COL6A3: variants seen among roughly 807,000 people sequenced by gnomAD.
COL6A3 encodes the protein collagen type VI alpha 3 chain.
A neutral mutation model predicts 274.1 loss-of-function variants in COL6A3; 137 were observed. The ratio of observed to expected loss-of-function variants is 0.50; its 90% confidence interval spans 0.44 to 0.58. COL6A3 has a LOEUF of 0.58. COL6A3 is among the 20% of genes least tolerant of loss of function. The probability of loss-of-function intolerance (pLI) is 0.00; values close to 1 mark genes in which losing one functional copy is unlikely to be tolerated. For synonymous variants in COL6A3, 1,650 were observed against 1,650.6 expected (o/e 1.00, Z 0.01); for missense variants, 3,950 against 4,124.9 (o/e 0.96, Z 1.16).
rs759615424 is a variant in COL6A3 at position 237,381,460 on chromosome 2, T to C, written c.1352A>G (p.Asp451Gly). The C allele has an allele frequency of 1.1e-5, 18 of 1,607,728 alleles. No homozygotes were observed. The South Asian group carries it at 2.0e-4, about 18-fold the overall frequency. The part of the protein sequence containing the change: ...VNKRDIVFLV[D>G]GSSALGLANF... The stretch of plus-strand genomic sequence containing the variant: ...GGCCAGTCCCAGTGCAGATGAGCCA[T>C]CCACCAGGAAGACTATGTCTCTCTT... The change falls in exon 5 of 44, where the codon GAT (aspartate) becomes GGT (glycine). Residue 451 changes from aspartate (D) to glycine (G), a missense_variant. Asp to Gly is a moderately conservative substitution (Grantham distance 94, BLOSUM62 -1). This residue lies in a region of COL6A3 where 1,934 missense variants were observed against 1,984.3 expected (regional missense o/e 0.97). Coordinates refer to ENST00000295550, the MANE Select transcript of COL6A3 (RefSeq NM_004369.4).
At chr2:237,373,969 T>C (rs2077763095) in intron 8 of COL6A3, among the ~76,000 whole-genome samples, 1 of 152,224 alleles carries the variant, frequency 6.6e-6, no homozygotes, top group Admixed American at 6.5e-5. Context: ...GATACCAATA[T>C]TTCAGAGTCT....
rs1333154783 is a variant in COL6A3 at position 237,368,532 on chromosome 2, A to G, written c.4900+31T>C. On this transcript the variant is annotated intron_variant, in intron 10 of 43. Coordinates refer to ENST00000295550, the MANE Select transcript of COL6A3 (RefSeq NM_004369.4). The surrounding 1 kb of genome is among the most constrained non-coding windows in gnomAD (Gnocchi z 4.4). ...ACTAAAAAAAAAATGTTGATGTCAC[A>G]CTCTGTAGTCATGGGTCACACGGTG... 6.2e-7 allele frequency: 1 copy of G among 1,612,268 alleles called. No homozygotes were observed. Among genetic ancestry groups the G allele is most frequent in the Non-Finnish European group, 8.5e-7 (1 of 1,178,684 alleles).
chr2:237,399,019 A>G (rs1193476623), intron 1 of COL6A3, among the ~76,000 whole-genome samples: 1 of 152,230 alleles, frequency 6.6e-6, no homozygotes, highest in Non-Finnish European at 1.5e-5. Flanking sequence ...CTTACAGGAA[A>G]AAATGGGGGT....
chr2:237,366,363 A>T (rs1266737349), intron 11 of COL6A3, among the ~76,000 whole-genome samples: 1 of 152,252 alleles, frequency 6.6e-6, no homozygotes, highest in African/African-American at 2.4e-5. Context: ...TTGAAAATCA[A>T]ATATTCTGAT....
At position 237,367,036 on chromosome 2, in the gene COL6A3, G is replaced by A; in HGVS notation, c.5151C>T (p.Ala1717=). ...GGTGCTCAAGGCCCACCTTAGTGTT[G>A]GCGTGTCTTCCCCCTTTGTAGACCA... is the stretch of plus-strand genomic sequence containing the variant. The part of the protein sequence containing the change: ...NKVVYKGGRH[A]NTKVGLEHLR... Residue 1717 remains alanine (A), a synonymous_variant, in exon 11 of 44, where the codon GCC becomes GCT. Coordinates refer to ENST00000295550, the MANE Select transcript of COL6A3 (RefSeq NM_004369.4). The A allele has an allele frequency of 6.2e-7, 1 of 1,614,210 alleles. No homozygotes were observed. Among genetic ancestry groups the A allele is most frequent in the Non-Finnish European group, 8.5e-7 (1 of 1,180,040 alleles).
At chr2:237,408,341 C>T (rs1036506336) in intron 1 of COL6A3, among the ~76,000 whole-genome samples, 1 of 152,200 alleles carries the variant, frequency 6.6e-6, no homozygotes, top group Non-Finnish European at 1.5e-5. Flanking sequence ...CATAGTCCTG[C>T]GACTGCTCTC....
chr2:237,334,978 G>T, intron 40 of COL6A3, 89 bp from the exon 41 acceptor site: 1 of 1,487,804 alleles, frequency 6.7e-7, no homozygotes, highest in Non-Finnish European at 9.4e-7. Context: ...AAAGGGATGT[G>T]TTAACAGACA....
chr2:237,405,646 G>A (rs1318672048), intron 1 of COL6A3, among the ~76,000 whole-genome samples: 1 of 152,086 alleles, frequency 6.6e-6, no homozygotes, highest in Non-Finnish European at 1.5e-5. Context: ...ACCCCAGCAA[G>A]GCAAAGTGAT....
rs1223202953 is a variant in COL6A3 at position 237,369,172 on chromosome 2, C to G, written c.4291G>C (p.Glu1431Gln). The change falls in exon 10 of 44, where the codon GAG (glutamate) becomes CAG (glutamine). Residue 1431 changes from glutamate (E) to glutamine (Q), a missense_variant. Around this residue, in one of 5 missense-constraint regions of COL6A3, gnomAD observed 1,934 missense variants for 1,984.3 expected, o/e 0.97. Coordinates refer to ENST00000295550, the MANE Select transcript of COL6A3 (RefSeq NM_004369.4). ...AAGACAATGTCTGCAGCATCACTCTCAACTGCTGCAGATCAAAGAAGAAAA... is the reference window on the plus strand; with the variant it reads ...AAGACAATGTCTGCAGCATCACTCTGAACTGCTGCAGATCAAAGAAGAAAA... The part of the protein sequence containing the change: ...ASTRYPPPAV[E>Q]SDAADIVFLI... The G allele has an allele frequency of 6.2e-7, 1 of 1,610,524 alleles. No homozygotes were observed. The highest frequency in any genetic ancestry group is 8.5e-7 in the Non-Finnish European group (1 of 1,180,006).
chr2:237,332,788 A>T (rs1159551830), intron 42 of COL6A3, among the ~76,000 whole-genome samples: 1 of 152,226 alleles, frequency 6.6e-6, no homozygotes, highest in Non-Finnish European at 1.5e-5. Context: ...ACCGATGAAC[A>T]AGCCAAGTCC....
chr2:237,367,671 T>C (rs1209953516), intron 10 of COL6A3, among the ~76,000 whole-genome samples: 2 of 152,176 alleles, frequency 1.3e-5, no homozygotes, highest in Non-Finnish European at 2.9e-5. Flanking sequence ...GAAGTTTCCT[T>C]TGTGGTCAAG....
At position 237,357,849 on chromosome 2, in the gene COL6A3, G is replaced by A. The variant is rs752728091; in HGVS notation, c.6505C>T (p.Pro2169Ser). Residue 2169 changes from proline to serine, a missense_variant, in exon 22 of 44, where the codon CCC becomes TCC. This residue lies in a region of COL6A3 where 1,284 missense variants were observed against 1,349.7 expected (regional missense o/e 0.95). Coordinates refer to ENST00000295550, the MANE Select transcript of COL6A3 (RefSeq NM_004369.4). ...CCGAGGTCACCGGTTTCTCCTTTGG[G>A]TCCTCTCTCCTGGCTGTCTTGTCCT... is the stretch of plus-strand genomic sequence containing the variant. Reference protein sequence around the residue: ...NPGQDSQERGPKGETGDLGPM... With the variant: ...NPGQDSQERGSKGETGDLGPM... 6.2e-7 allele frequency: 1 copy of A among 1,614,144 alleles called. No homozygotes were observed. Among genetic ancestry groups the A allele is most frequent in the Non-Finnish European group, 8.5e-7 (1 of 1,180,028 alleles).
chr2:237,360,846 G>A (rs2077420022), intron 16 of COL6A3, among the ~76,000 whole-genome samples: 1 of 152,140 alleles, frequency 6.6e-6, no homozygotes, highest in South Asian at 2.1e-4. Context: ...GATACTGGGT[G>A]TGCAAATTCG....
intron 1 of COL6A3, among the ~76,000 whole-genome samples, chr2:237,410,988 T>C (rs2078842687): frequency 6.6e-6 from 1 of 152,230 alleles, no homozygotes; most frequent in African/African-American, 2.4e-5. Flanking sequence ...CGGCTTTCAT[T>C]TTCTTAGCTA....
intron 37 of COL6A3, 118 bp from the exon 38 acceptor site, chr2:237,341,268 G>T: frequency 9.6e-7 from 1 of 1,042,428 alleles, no homozygotes. Context: ...AAAGCGGGCC[G>T]GAAGCGGTGG....
chr2:237,356,509 C>T (rs1163154222), intron 23 of COL6A3, among the ~76,000 whole-genome samples: 1 of 152,214 alleles, frequency 6.6e-6, no homozygotes, highest in Non-Finnish European at 1.5e-5. Context: ...CTCACCCCAG[C>T]GAACTCTACT....
intron 24 of COL6A3, among the ~76,000 whole-genome samples, chr2:237,354,216 C>A (rs2077267724): frequency 6.6e-6 from 1 of 152,000 alleles, no homozygotes. Flanking sequence ...CGGGGTTTCT[C>A]CATATTGGTC....
chr2:237,384,147 T>C (rs2078084539), intron 4 of COL6A3, among the ~76,000 whole-genome samples: 2 of 152,202 alleles, frequency 1.3e-5, no homozygotes, highest in Admixed American at 6.5e-5. Flanking sequence ...ACCTAGGCTT[T>C]GCAGAATCAT....
chr2:237,325,438 A>T, intron 43 of COL6A3, 122 bp downstream of exon 43: 1 of 1,130,706 alleles, frequency 8.8e-7, no homozygotes, highest in Non-Finnish European at 1.3e-6. Flanking sequence ...TTATCTGAGG[A>T]TACACTTTAT....
Sources: allele counts gnomAD v4.1 joint callset (sites outside exome capture counted in the v4.1 genomes callset), GRCh38; gene constraint gnomAD v4.1.1; regional missense constraint gnomAD v4.1.1; non-coding constraint Gnocchi (gnomAD v3.1); transcripts MANE v1.5; gene names NCBI Gene and HGNC (gene_info 2026-07-23, HGNC 2026-07-21).